The following KCNMA1 variants were observed in gnomAD, a reference collection of about 807,000 sequenced individuals.
The protein encoded by KCNMA1 is Calcium-activated potassium channel subunit alpha-1.
In KCNMA1, 29 loss-of-function variants were observed where a neutral mutation model predicts 140.0. That is an observed-to-expected ratio of 0.21 (90% CI 0.15 to 0.28). The LOEUF (loss-of-function observed/expected upper bound fraction) is 0.28. KCNMA1 is among the 10% of genes least tolerant of loss of function. The pLI is 1.00. For synonymous variants in KCNMA1, 612 were observed against 611.9 expected, an observed-to-expected ratio of 1.00 and a Z score of 0.00; for missense variants, 880 against 1,602.2, an observed-to-expected ratio of 0.55 and a Z score of 7.70.
intron 2 of KCNMA1, among the ~76,000 whole-genome samples, chr10:77,258,793 T>C (rs1006702716): frequency 6.6e-6 from 1 of 151,918 alleles, no homozygotes; most frequent in Non-Finnish European, 1.5e-5. Flanking sequence ...TGAAACCCCA[T>C]CTCTACTAAA....
intron 1 of KCNMA1, among the ~76,000 whole-genome samples, chr10:77,471,384 C>T (rs1236839199): frequency 6.6e-6 from 1 of 151,306 alleles, no homozygotes; most frequent in Non-Finnish European, 1.5e-5. Flanking sequence ...TTACCACACA[C>T]ACCACATAAC....
intron 1 of KCNMA1, among the ~76,000 whole-genome samples, chr10:77,599,441 C>T (rs1054205169): frequency 6.6e-6 from 1 of 152,252 alleles, no homozygotes; most frequent in Non-Finnish European, 1.5e-5. Flanking sequence ...AGACTTATGT[C>T]TCTATTGGTT....
chr10:76,891,197 G>C (rs532222295), intron 26 of KCNMA1, among the ~76,000 whole-genome samples: 2 of 152,352 alleles, frequency 1.3e-5, no homozygotes, highest in Admixed American at 1.3e-4. Context: ...ACCAAGGAGG[G>C]AGAAAGCCCA....
chr10:77,514,206 A>G (rs890796782), intron 1 of KCNMA1, among the ~76,000 whole-genome samples: 4 of 152,222 alleles, frequency 2.6e-5, no homozygotes, highest in Non-Finnish European at 4.4e-5. Flanking sequence ...GCCGCCCAAC[A>G]GACTCCTGTG....
At chr10:77,049,548 C>T (rs747762388) in intron 14 of KCNMA1, among the ~76,000 whole-genome samples, 6 of 152,180 alleles carry the variant, frequency 3.9e-5, no homozygotes, top group African/African-American at 9.7e-5. Flanking sequence ...GAAGAGCTGT[C>T]TTACTCAGCT....
chr10:77,408,439 AGT>A (rs965971260), intron 1 of KCNMA1, among the ~76,000 whole-genome samples: 9 of 150,834 alleles, frequency 6.0e-5, no homozygotes, highest in Admixed American at 1.3e-4. Context: ...CACGTGTGAG[AGT>A]GTGTGCATGT....
At chr10:77,601,521 C>A (rs1000406744) in intron 1 of KCNMA1, among the ~76,000 whole-genome samples, 1 of 152,132 alleles carries the variant, frequency 6.6e-6, no homozygotes. Context: ...CCTTTATACC[C>A]GTGGATTACA....
At chr10:77,568,364 C>T (rs1224211067) in intron 1 of KCNMA1, among the ~76,000 whole-genome samples, 1 of 152,182 alleles carries the variant, frequency 6.6e-6, no homozygotes, top group Non-Finnish European at 1.5e-5. Flanking sequence ...AATCCAGCAG[C>T]ACATCAAAAA....
chr10:77,374,277 C>A (rs921512565), intron 2 of KCNMA1, among the ~76,000 whole-genome samples: 4 of 152,052 alleles, frequency 2.6e-5, no homozygotes, highest in African/African-American at 9.7e-5. Context: ...TGGGCCTGAG[C>A]TAATTTAAGC....
intron 1 of KCNMA1, among the ~76,000 whole-genome samples, chr10:77,486,043 T>A (rs1019982397): frequency 1.3e-5 from 2 of 152,136 alleles, no homozygotes; most frequent in Non-Finnish European, 2.9e-5. Context: ...TGGAGGCCAT[T>A]CCCTGCTCAC....
rs181096869 is a variant in KCNMA1, at chr10:77,219,948, T to C, written c.602+31247A>G. Among the ~76,000 whole-genome samples, 670 of 152,338 alleles carry C rather than the reference T, an allele frequency of 4.4e-3. 4 individuals carry two copies. Among genetic ancestry groups the C allele is most frequent in the Non-Finnish European group, 6.6e-3 (447 of 68,028 alleles). On this transcript the variant is annotated intron_variant, in intron 3 of 27. Transcript: ENST00000286628. Reference sequence around the variant, plus strand: ...AGAACTTAAGTGTATCTTCTCATTATCCTCATAAAATCCCCATTATCAGCT... The same window carrying C: ...AGAACTTAAGTGTATCTTCTCATTACCCTCATAAAATCCCCATTATCAGCT...
chr10:76,965,575 C>A (rs1352338635), intron 20 of KCNMA1, among the ~76,000 whole-genome samples: 2 of 152,170 alleles, frequency 1.3e-5, no homozygotes, highest in Non-Finnish European at 2.9e-5. Context: ...TGCCAGAATA[C>A]TCTTACATTC....
At chr10:77,000,437 G>A (rs1396019322) in intron 19 of KCNMA1, among the ~76,000 whole-genome samples, 2 of 152,174 alleles carry the variant, frequency 1.3e-5, no homozygotes, top group Admixed American at 6.5e-5. Flanking sequence ...AAAGTCCATG[G>A]GGAAGCAAGG....
intron 27 of KCNMA1, 134 bp downstream of exon 27, chr10:76,889,317 T>C (rs1373654635): frequency 1.4e-6 from 1 of 694,042 alleles, no homozygotes; most frequent in South Asian, 1.7e-5. Context: ...AACTCAGTGT[T>C]GGATTTAATA....
intron 29 of KCNMA1, chr10:76,877,922 A>G: frequency 6.3e-7 from 1 of 1,598,692 alleles, no homozygotes; most frequent in Non-Finnish European, 8.5e-7. Flanking sequence ...AGAGAACAAG[A>G]AGGAGAAATG....
Position 77,063,187 on chromosome 10 carries a change from C to T in KCNMA1, c.1749+9910G>A, listed in dbSNP as rs184631399. Among the ~76,000 whole-genome samples, 721 of 152,146 alleles carry T rather than the reference C, an allele frequency of 4.7e-3. 6 individuals carry two copies. The highest frequency in any genetic ancestry group is 0.016 in the African/African-American group (678 of 41,498). On this transcript the variant is annotated intron_variant, in intron 14 of 27. Transcript: ENST00000286628. ...CAGCACTTTGGGAGGCTGAGGTGGG[C>T]ACATCACTTGAGGTCAGGAGTTTGA...
intron 1 of KCNMA1, among the ~76,000 whole-genome samples, chr10:77,614,945 T>A (rs778882297): frequency 6.6e-6 from 1 of 152,172 alleles, no homozygotes; most frequent in Non-Finnish European, 1.5e-5. Flanking sequence ...AAGCTTGAGA[T>A]AAAAGGGAGT....
intron 2 of KCNMA1, among the ~76,000 whole-genome samples, chr10:77,353,147 G>C (rs969964293): frequency 6.6e-6 from 1 of 152,166 alleles, no homozygotes; most frequent in African/African-American, 2.4e-5. Context: ...ACAAATGGCT[G>C]GGAGGCCTTT....
At chr10:77,318,245 T>C (rs2081386309) in intron 2 of KCNMA1, among the ~76,000 whole-genome samples, 1 of 152,156 alleles carries the variant, frequency 6.6e-6, no homozygotes, top group Admixed American at 6.5e-5. Context: ...TTTACCTGCA[T>C]TTTCACTTTT....
Sources: allele counts gnomAD v4.1 joint callset (sites outside exome capture counted in the v4.1 genomes callset), GRCh38; gene constraint gnomAD v4.1.1; transcripts MANE v1.5; gene names NCBI Gene and HGNC (gene_info 2026-07-23, HGNC 2026-07-21).